Variants in TMEM74 observed in about 807,000 individuals in gnomAD.
TMEM74 encodes the protein transmembrane protein 74.
Under a neutral mutation model 18.1 loss-of-function variants are expected in TMEM74, and 13 were observed. The ratio of observed to expected loss-of-function variants is 0.72; its 90% CI spans 0.47 to 1.14. The LOEUF is 1.14. Ranked by LOEUF, TMEM74 falls within the 50% of genes most tolerant of loss-of-function variation. TMEM74 has a pLI of 0.00. For missense variants in TMEM74, 372 were observed against 375.9 expected, an observed-to-expected ratio of 0.99 and a Z score of 0.09; for synonymous variants, 159 against 146.6, an observed-to-expected ratio of 1.08 and a Z score of -0.61.
chr8:108,701,129 G>GA (rs1005946270), intron 1 of TMEM74, among the ~76,000 whole-genome samples: 6 of 135,076 alleles, frequency 4.4e-5, no homozygotes, highest in Admixed American at 1.5e-4. Context: ...ACAGACTAAA[G>GA]AAAAAAATAC....
chr8:108,628,273 T>C (rs890017144), intron 2 of TMEM74, among the ~76,000 whole-genome samples: 2 of 151,982 alleles, frequency 1.3e-5, no homozygotes, highest in Admixed American at 6.6e-5. Flanking sequence ...TTTGAATGTA[T>C]AGAAAAAACA....
chr8:108,767,739 A>G (rs1381421682), intron 1 of TMEM74, among the ~76,000 whole-genome samples: 2 of 152,130 alleles, frequency 1.3e-5, no homozygotes, highest in Non-Finnish European at 2.9e-5. Flanking sequence ...TCAGGGATCT[A>G]GTTACTTATA....
chr8:108,659,798 T>A lies in TMEM74; in HGVS notation n.120-4361A>T, dbSNP rs188925066. Among the ~76,000 whole-genome samples the A allele has an allele frequency of 4.0e-3, 606 of 152,274 alleles. 2 individuals carry two copies. The highest frequency in any genetic ancestry group is 7.4e-3 in the Admixed American group (113 of 15,282). On this transcript the variant is annotated intron_variant and non_coding_transcript_variant, in intron 1 of 3. Coordinates refer to the TMEM74 transcript ENST00000518838. ...AATGTTGTCAGCAAGCAGCCTCAGT[T>A]GTCAGCTCCCACAGGTTTCTCCACA... is the stretch of plus-strand genomic sequence containing the variant.
At chr8:108,640,533 A>G (rs1426435807) in intron 2 of TMEM74, among the ~76,000 whole-genome samples, 1 of 151,888 alleles carries the variant, frequency 6.6e-6, no homozygotes, top group Non-Finnish European at 1.5e-5. Flanking sequence ...TTTCAATCTA[A>G]AGTTATTCTC....
At chr8:108,653,098 C>G in intron 2 of TMEM74, 1 of 176,370 alleles carries the variant, frequency 5.7e-6, no homozygotes, top group Non-Finnish European at 1.2e-5. Context: ...AAGAAGGTGA[C>G]ATTTCAAAAG....
intron 1 of TMEM74, among the ~76,000 whole-genome samples, chr8:108,677,442 T>TA (rs1246988119): frequency 6.6e-6 from 1 of 152,148 alleles, no homozygotes; most frequent in Non-Finnish European, 1.5e-5. Context: ...TATGTTAGAG[T>TA]AAAATATTCT....
chr8:108,706,776 GGTGTGTGT>G (rs3049749), intron 1 of TMEM74, among the ~76,000 whole-genome samples: 11 of 144,970 alleles, frequency 7.6e-5, no homozygotes, highest in South Asian at 2.3e-4. Flanking sequence ...AATTACAAGG[GGTGTGTGT>G]GTGTGTGTGT....
chr8:108,656,078 A>G (rs777119555), intron 1 of TMEM74, among the ~76,000 whole-genome samples: 1 of 152,098 alleles, frequency 6.6e-6, no homozygotes, highest in Non-Finnish European at 1.5e-5. Context: ...CTTTTCATTC[A>G]AAAGGAATTT....
At chr8:108,764,723 C>T (rs1199151007) in intron 1 of TMEM74, among the ~76,000 whole-genome samples, 1 of 152,130 alleles carries the variant, frequency 6.6e-6, no homozygotes, top group African/African-American at 2.4e-5. Flanking sequence ...TGAGCTTGAA[C>T]TGCTATTCAA....
At chr8:108,770,067 C>G (rs986202879) in intron 1 of TMEM74, among the ~76,000 whole-genome samples, 1 of 151,648 alleles carries the variant, frequency 6.6e-6, no homozygotes, top group Non-Finnish European at 1.5e-5. Flanking sequence ...TCATTACTTA[C>G]TTAGTCCTTG....
intron 2 of TMEM74, among the ~76,000 whole-genome samples, chr8:108,617,877 G>A (rs1812401520): frequency 1.3e-5 from 2 of 152,134 alleles, no homozygotes; most frequent in Non-Finnish European, 2.9e-5. Flanking sequence ...ACCTCAAGCA[G>A]TTTTCCTGAG....
intron 1 of TMEM74, among the ~76,000 whole-genome samples, chr8:108,711,658 GA>G (rs1053251571): frequency 6.6e-6 from 1 of 152,176 alleles, no homozygotes; most frequent in Non-Finnish European, 1.5e-5. Flanking sequence ...GGCCACTGGG[GA>G]GTCCTTGAGT....
chr8:108,726,405 T>G (rs1479539780), intron 1 of TMEM74, among the ~76,000 whole-genome samples: 1 of 152,098 alleles, frequency 6.6e-6, no homozygotes, highest in East Asian at 1.9e-4. Context: ...TACAAGCAAT[T>G]TAAGATTGCA....
At chr8:108,765,332 C>CT (rs1034991490) in intron 1 of TMEM74, among the ~76,000 whole-genome samples, 2 of 150,642 alleles carry the variant, frequency 1.3e-5, no homozygotes, top group Non-Finnish European at 3.0e-5. Flanking sequence ...TCATCCTGGA[C>CT]TTTAAGGGAT....
chr8:108,705,990 A>G (rs1357517380), intron 1 of TMEM74, among the ~76,000 whole-genome samples: 1 of 152,222 alleles, frequency 6.6e-6, no homozygotes, highest in Non-Finnish European at 1.5e-5. Context: ...GCAGAGCCCC[A>G]GCCACTTCAG....
At chr8:108,760,085 A>ACTC (rs1361925818) in intron 1 of TMEM74, among the ~76,000 whole-genome samples, 4 of 151,612 alleles carry the variant, frequency 2.6e-5, no homozygotes, top group Admixed American at 2.0e-4. Context: ...AGGTAAGAGA[A>ACTC]TCGCTTGAAG....
At chr8:108,668,229 A>G (rs1430898876) in intron 1 of TMEM74, among the ~76,000 whole-genome samples, 2 of 152,204 alleles carry the variant, frequency 1.3e-5, no homozygotes, top group African/African-American at 2.4e-5. Context: ...AGAGCTTTTT[A>G]TAATTATCCC....
intron 1 of TMEM74, among the ~76,000 whole-genome samples, chr8:108,700,751 A>T (rs1011368700): frequency 1.3e-5 from 2 of 152,180 alleles, no homozygotes; most frequent in South Asian, 4.1e-4. Context: ...GGATGTCATT[A>T]GTGTTTATGA....
chr8:108,717,586 T>C (rs1423020877), intron 1 of TMEM74, among the ~76,000 whole-genome samples: 5 of 152,068 alleles, frequency 3.3e-5, no homozygotes, highest in Non-Finnish European at 2.9e-5. Context: ...GACAGGCAGA[T>C]AGGGAATGCT....
Sources: gnomAD v4.1 joint callset for allele counts (sites outside exome capture counted in the v4.1 genomes callset) on GRCh38, gnomAD v4.1.1 for gene constraint, MANE v1.5 for transcripts, NCBI Gene and HGNC (gene_info 2026-07-23, HGNC 2026-07-21) for gene names.